The following PPP2R2C variants were observed in gnomAD, a reference collection of about 807,000 sequenced individuals.
The protein encoded by PPP2R2C is protein phosphatase 2, regulatory subunit B, gamma.
In PPP2R2C, 10 loss-of-function variants were observed where a neutral mutation model predicts 45.3. The observed-to-expected ratio is 0.22, with a 90% confidence interval of 0.14 to 0.37. PPP2R2C has a LOEUF of 0.37. PPP2R2C is among the 10% of genes least tolerant of loss of function. The pLI, the probability that PPP2R2C is intolerant of heterozygous loss-of-function variation, is 1.00. For synonymous variants in PPP2R2C, 257 were observed against 245.4 expected (o/e 1.05, Z -0.44); for missense variants, 308 against 619.7 (o/e 0.50, Z 5.34).
intron 1 of PPP2R2C, among the ~76,000 whole-genome samples, chr4:6,547,491 T>C (rs1725025335): frequency 6.6e-6 from 1 of 152,198 alleles, no homozygotes; most frequent in South Asian, 2.1e-4. Context: ...TCTGGCGGGA[T>C]GCACTGGGAA....
intron 5 of PPP2R2C, chr4:6,348,871 T>C (rs1712261071): frequency 1.5e-6 from 1 of 679,310 alleles, no homozygotes; most frequent in African/African-American, 2.0e-5. Context: ...CCAATAAATG[T>C]CCATTTTTTG....
rs1202982917 is a variant in PPP2R2C, at chr4:6,378,580, G to A, written c.169-8C>T. On this transcript the variant is annotated splice_region_variant and splice_polypyrimidine_tract_variant and intron_variant, in intron 2 of 8. Coordinates refer to ENST00000382599, the MANE Select transcript of PPP2R2C (RefSeq NM_020416.4). The surrounding 1 kb of genome is among the most constrained non-coding windows in gnomAD (Gnocchi z 5.2). Reference sequence around the variant, plus strand: ...GTGGGGCGCATTTTTACTCTGCAGGGAAACCCGGAGAAGGGGCCTGAGCAC... The same window carrying A: ...GTGGGGCGCATTTTTACTCTGCAGGAAAACCCGGAGAAGGGGCCTGAGCAC... The A allele has an allele frequency of 1.2e-6, 2 of 1,610,260 alleles. No individual in the cohort carries two copies. Among genetic ancestry groups the A allele is most frequent in the African/African-American group, 1.3e-5 (1 of 74,834 alleles).
intron 2 of PPP2R2C, among the ~76,000 whole-genome samples, chr4:6,496,431 A>G (rs971133161): frequency 1.3e-5 from 2 of 152,174 alleles, no homozygotes; most frequent in Non-Finnish European, 1.5e-5. Context: ...CCATCCTTGC[A>G]TTTCCAGTGA....
intron 1 of PPP2R2C, among the ~76,000 whole-genome samples, chr4:6,440,892 G>A (rs1189843222): frequency 6.6e-6 from 1 of 152,152 alleles, no homozygotes; most frequent in Non-Finnish European, 1.5e-5. Flanking sequence ...AGGGAAGTGG[G>A]GCCAGGACAT....
At chr4:6,423,276 T>C (rs537494090) in intron 1 of PPP2R2C, among the ~76,000 whole-genome samples, 256 of 152,326 alleles carry the variant, frequency 1.7e-3, no homozygotes, top group Non-Finnish European at 1.3e-3. Flanking sequence ...CAATCTCGGC[T>C]CACTGCAACC....
intron 1 of PPP2R2C, among the ~76,000 whole-genome samples, chr4:6,451,279 C>A (rs897814477): frequency 6.6e-6 from 1 of 152,202 alleles, no homozygotes; most frequent in African/African-American, 2.4e-5. Flanking sequence ...TCCAGATGAG[C>A]CACTGTGCGA....
intron 1 of PPP2R2C, among the ~76,000 whole-genome samples, chr4:6,416,390 C>G (rs1316516823): frequency 6.6e-6 from 1 of 152,210 alleles, no homozygotes; most frequent in African/African-American, 2.4e-5. Flanking sequence ...CTCTTTCCAC[C>G]ATCCCGTGAA....
intron 2 of PPP2R2C, among the ~76,000 whole-genome samples, chr4:6,488,125 C>A (rs568662382): frequency 5.3e-5 from 8 of 152,164 alleles, no homozygotes; most frequent in Non-Finnish European, 1.2e-4. Context: ...TTTCCTCTAG[C>A]TTTTAGAACA....
chr4:6,360,920 T>C (rs4495116), intron 5 of PPP2R2C, among the ~76,000 whole-genome samples: 132,549 of 152,174 alleles, frequency 0.87, 59,345 homozygotes, highest in East Asian at 1. Flanking sequence ...CTCACATTCT[T>C]ATTCCTGCAT....
chr4:6,455,043 A>G, intron 1 of PPP2R2C, among the ~76,000 whole-genome samples: 1 of 92,378 alleles, frequency 1.1e-5, no homozygotes, highest in South Asian at 3.8e-4. Context: ...TGAACACAGC[A>G]CAAGTCACCT....
intron 1 of PPP2R2C, among the ~76,000 whole-genome samples, chr4:6,464,963 G>A (rs1051696251): frequency 1.3e-5 from 2 of 152,106 alleles, no homozygotes; most frequent in Non-Finnish European, 2.9e-5. Context: ...CCAGCCATAA[G>A]GAAATGATTA....
At chr4:6,549,116 T>C (rs1725093144) in intron 1 of PPP2R2C, among the ~76,000 whole-genome samples, 1 of 152,172 alleles carries the variant, frequency 6.6e-6, no homozygotes, top group Non-Finnish European at 1.5e-5. Flanking sequence ...AAGCCACTGG[T>C]CTAAGCCACC....
chr4:6,506,138 T>G (rs546861959), intron 2 of PPP2R2C, among the ~76,000 whole-genome samples: 2 of 152,156 alleles, frequency 1.3e-5, no homozygotes, highest in Non-Finnish European at 2.9e-5. Context: ...TGTTGGCTCT[T>G]CAGCAAGCAG....
chr4:6,335,225 G>A (rs973437791), intron 6 of PPP2R2C, among the ~76,000 whole-genome samples: 6 of 152,120 alleles, frequency 3.9e-5, no homozygotes, highest in Non-Finnish European at 8.8e-5. Flanking sequence ...ACTAAGTGGC[G>A]CCCTCCACCG....
chr4:6,429,800 C>T (rs1270968971), intron 1 of PPP2R2C, among the ~76,000 whole-genome samples: 1 of 152,128 alleles, frequency 6.6e-6, no homozygotes, highest in Non-Finnish European at 1.5e-5. Flanking sequence ...AAATGCCCAT[C>T]GTTGCCAGAA....
rs1284858968 is a variant in PPP2R2C at position 6,472,409 on chromosome 4, G to A, written c.-180C>T. On this transcript the variant is annotated 5_prime_UTR_variant, in exon 1 of 9. Transcript: ENST00000382599. ...GCGGGGGCGGCCGGGGGCGGGCGCC[G>A]CGGTCAAGCGAGCGCGCGGTGGGCG... is the stretch of plus-strand genomic sequence containing the variant. 2.4e-6 allele frequency: 2 copies of A among 841,300 alleles called. No homozygotes were observed. The highest frequency in any genetic ancestry group is 1.9e-5 in the African/African-American group (1 of 53,914). The allele number at this position is 841,300 out of a possible 1,614,324, so 52.1% of individuals were successfully genotyped here.
At chr4:6,512,383 GTGGTGA>G (rs1560595317) in intron 2 of PPP2R2C, among the ~76,000 whole-genome samples, 55 of 47,644 alleles carry the variant, frequency 1.2e-3, no homozygotes, top group South Asian at 1.4e-3. Context: ...GGTGGTGGTG[GTGGTGA>G]TGGTGGTGGT....
At chr4:6,504,998 CATAGTT>C (rs2108797064) in intron 2 of PPP2R2C, among the ~76,000 whole-genome samples, 1 of 152,226 alleles carries the variant, frequency 6.6e-6, no homozygotes, top group East Asian at 1.9e-4. Context: ...AAAGGCACGT[CATAGTT>C]AAACTACTAA....
chr4:6,398,036 AT>A (rs1717164000), intron 1 of PPP2R2C, among the ~76,000 whole-genome samples: 1 of 152,256 alleles, frequency 6.6e-6, no homozygotes. Flanking sequence ...CACTCAGGTG[AT>A]TCCACGAGGA....
Sources: allele counts gnomAD v4.1 joint callset (sites outside exome capture counted in the v4.1 genomes callset), GRCh38; gene constraint gnomAD v4.1.1; non-coding constraint Gnocchi (gnomAD v3.1); transcripts MANE v1.5; gene names NCBI Gene and HGNC (gene_info 2026-07-23, HGNC 2026-07-21).